SUPT3H: variants seen among roughly 807,000 people sequenced by gnomAD.
SUPT3H encodes SPT3 homolog, SAGA and STAGA complex component.
A neutral mutation model predicts 44.3 loss-of-function variants in SUPT3H; 44 were observed. That is an observed-to-expected ratio of 0.99 (90% CI 0.78 to 1.28). The LOEUF (loss-of-function observed/expected upper bound fraction) is 1.28, where lower values mean the gene tolerates loss of function less well. SUPT3H is among the 50% of genes most tolerant of loss of function. The pLI is 0.00. For missense variants in SUPT3H, 380 were observed against 387.1 expected, an observed-to-expected ratio of 0.98 and a Z score of 0.15; for synonymous variants, 124 against 125.6, an observed-to-expected ratio of 0.99 and a Z score of 0.09.
rs1007403458 is a variant in SUPT3H at position 44,818,495 on chromosome 6, C to G, written c.*53-8994G>C. Among the ~76,000 whole-genome samples the G allele has an allele frequency of 2.6e-5, 4 of 152,008 alleles. No homozygotes were observed. The South Asian group carries it at 8.3e-4, about 31-fold the overall frequency. On this transcript the variant is annotated intron_variant and NMD_transcript_variant, in intron 11 of 11. Transcript: ENST00000475057. ...TTGACTTATTCAAAATTAAAAATAT[C>G]AGCTTTTCCAAGGGCACTTTAGGAA...
intron 9 of SUPT3H, among the ~76,000 whole-genome samples, chr6:44,947,282 T>C (rs568093310): frequency 5.3e-5 from 8 of 152,270 alleles, no homozygotes; most frequent in African/African-American, 1.4e-4. Context: ...CTCTGAAGTA[T>C]GCCTGCAGAA....
intron 3 of SUPT3H, chr6:45,098,293 G>C (rs1798075069): frequency 6.4e-6 from 1 of 155,124 alleles, no homozygotes; most frequent in Non-Finnish European, 1.4e-5. Context: ...AGCATGGTCT[G>C]CCCATCCAGG....
intron 3 of SUPT3H, among the ~76,000 whole-genome samples, chr6:45,073,325 T>G (rs77163886): frequency 0.022 from 3,389 of 152,078 alleles, 127 homozygotes; most frequent in African/African-American, 0.077. Context: ...ACCTTGTTAA[T>G]TAATTAGACT....
chr6:45,097,750 T>C (rs1797993689), intron 3 of SUPT3H: 1 of 152,216 alleles, frequency 6.6e-6, no homozygotes. Flanking sequence ...AAAATATATA[T>C]ACTGTGCAAA....
chr6:45,211,170 TAA>T (rs1764021874), intron 2 of SUPT3H, among the ~76,000 whole-genome samples: 1 of 152,066 alleles, frequency 6.6e-6, no homozygotes, highest in Non-Finnish European at 1.5e-5. Flanking sequence ...ATAACAAGTA[TAA>T]AAGTTACAAG....
At chr6:45,048,034 T>TAG (rs1789681441) in intron 3 of SUPT3H, among the ~76,000 whole-genome samples, 1 of 152,090 alleles carries the variant, frequency 6.6e-6, no homozygotes, top group Admixed American at 6.6e-5. Context: ...GTCTTTGGAC[T>TAG]AGACTCTGGA....
intron 10 of SUPT3H, among the ~76,000 whole-genome samples, chr6:44,890,483 A>T (rs1272596901): frequency 2.6e-5 from 4 of 151,830 alleles, no homozygotes; most frequent in Non-Finnish European, 5.9e-5. Flanking sequence ...ATTGGAAATC[A>T]TCATTCTCAG....
intron 2 of SUPT3H, among the ~76,000 whole-genome samples, chr6:45,252,361 AT>A (rs1772521110): frequency 6.6e-6 from 1 of 152,202 alleles, no homozygotes; most frequent in South Asian, 2.1e-4. Flanking sequence ...TTGCTTCAAT[AT>A]GTTTCTGATG....
At chr6:44,979,203 G>A (rs559488036) in intron 6 of SUPT3H, among the ~76,000 whole-genome samples, 2 of 152,226 alleles carry the variant, frequency 1.3e-5, no homozygotes, top group South Asian at 2.1e-4. Flanking sequence ...TTTTTCTGTA[G>A]CACAGTATTT....
At chr6:44,884,660 C>A (rs9472393) in intron 10 of SUPT3H, among the ~76,000 whole-genome samples, 17,710 of 152,100 alleles carry the variant, frequency 0.12, 1,227 homozygotes, top group African/African-American at 0.19. Flanking sequence ...AGGAACAGCT[C>A]CGGTCTACAG....
chr6:44,906,718 C>T (rs961486996), intron 10 of SUPT3H, among the ~76,000 whole-genome samples: 3 of 152,102 alleles, frequency 2.0e-5, no homozygotes, highest in African/African-American at 4.8e-5. Context: ...GCCGAGACTG[C>T]GCCACTGCAC....
chr6:45,112,969 T>C (rs1248236961), intron 2 of SUPT3H, among the ~76,000 whole-genome samples: 1 of 127,856 alleles, frequency 7.8e-6, no homozygotes, highest in Non-Finnish European at 1.6e-5. Context: ...TCACTTTTTT[T>C]TTTTTTTTTA....
chr6:44,950,797 T>TC (rs1774167642), intron 9 of SUPT3H, among the ~76,000 whole-genome samples: 1 of 140,312 alleles, frequency 7.1e-6, no homozygotes, highest in Non-Finnish European at 1.6e-5. Context: ...ACCATTTGGA[T>TC]CTTTTTTTTT....
intron 2 of SUPT3H, among the ~76,000 whole-genome samples, chr6:45,243,390 T>C (rs1234674538): frequency 6.6e-6 from 1 of 151,626 alleles, no homozygotes; most frequent in Non-Finnish European, 1.5e-5. Flanking sequence ...TAATAAAAAT[T>C]TGAATGAAAA....
At position 44,928,896 on chromosome 6, in the gene SUPT3H, AAAAAAAAAG is replaced by A. The variant is rs1431441203; in HGVS notation, c.912+3748_912+3756del. On this transcript the variant is annotated intron_variant, in intron 10 of 10. Transcript: ENST00000371459. ...AGACTCCGTCTCAAAAAAAAAAAAA[AAAAAAAAAG>A]AAAAGAAAAGAAACAAATCACCAAT... Among the ~76,000 whole-genome samples, 75 of 132,486 alleles carry A rather than the reference AAAAAAAAAG, an allele frequency of 5.7e-4. 4 individuals carry two copies. The highest frequency in any genetic ancestry group is 2.0e-3 in the East Asian group (9 of 4,464). 86.9% of individuals were successfully genotyped at this position (132,486 alleles called of 152,430 possible).
At chr6:45,015,104 T>C (rs896899599) in intron 4 of SUPT3H, among the ~76,000 whole-genome samples, 1 of 152,134 alleles carries the variant, frequency 6.6e-6, no homozygotes, top group African/African-American at 2.4e-5. Flanking sequence ...CATTTACAAA[T>C]ATTCGGATGT....
chr6:44,930,427 G>C (rs1268427083), intron 10 of SUPT3H, among the ~76,000 whole-genome samples: 2 of 151,222 alleles, frequency 1.3e-5, no homozygotes, highest in Admixed American at 1.3e-4. Flanking sequence ...GTTGGGCATG[G>C]TGGCAGGTGC....
intron 2 of SUPT3H, among the ~76,000 whole-genome samples, chr6:45,163,993 C>T (rs1809449991): frequency 2.0e-5 from 3 of 152,112 alleles, no homozygotes; most frequent in Non-Finnish European, 4.4e-5. Context: ...AAAATCAGTA[C>T]TTGCTGTGTT....
intron 8 of SUPT3H, among the ~76,000 whole-genome samples, chr6:44,953,646 G>A (rs1774656581): frequency 6.6e-6 from 1 of 152,130 alleles, no homozygotes; most frequent in African/African-American, 2.4e-5. Flanking sequence ...ACAGTCACTA[G>A]TGCAAATTTC....
Sources: allele counts gnomAD v4.1 joint callset (sites outside exome capture counted in the v4.1 genomes callset), GRCh38; gene constraint gnomAD v4.1.1; transcripts MANE v1.5; gene names NCBI Gene and HGNC (gene_info 2026-07-23, HGNC 2026-07-21).